GOLGA6L2: variants seen among roughly 807,000 people sequenced by gnomAD.
GOLGA6L2 encodes golgin A6 family like 2, also known as golgin subfamily A member 6-like protein 2.
Under a neutral mutation model 35.9 loss-of-function variants are expected in GOLGA6L2, and 30 were observed. The ratio of observed to expected loss-of-function variants is 0.83; its 90% confidence interval spans 0.62 to 1.13. The LOEUF (loss-of-function observed/expected upper bound fraction) is 1.13. GOLGA6L2 is among the 50% of genes most tolerant of loss of function. The pLI is 0.00. For missense variants in GOLGA6L2, 821 were observed against 973.4 expected (o/e 0.84, Z 2.08); for synonymous variants, 297 against 344.0 (o/e 0.86, Z 1.51).
Position 23,444,246 on chromosome 15 carries a change from G to C in GOLGA6L2, c.244-34C>G, listed in dbSNP as rs1187213850. ...AGAGGAAGACAGAGCTCTTACTAGG[G>C]GGAGGCAGAGATCCACAGCAAGAGA... On this transcript the variant is annotated intron_variant, in intron 3 of 7. Transcript: ENST00000567107. The C allele has an allele frequency of 2.5e-6, 4 of 1,596,484 alleles. No individual in the cohort carries two copies. The African/African-American group carries it at 5.4e-5, about 21-fold the overall frequency.
At position 23,442,331 on chromosome 15, in the gene GOLGA6L2, C is replaced by G. The variant is rs865999479; in HGVS notation, c.650+119G>C. The stretch of plus-strand genomic sequence containing the variant: ...TGGCACAGCCGGCACTAGAGCTTCC[C>G]TGTGCACACATGTAAACCTGTATGA... On this transcript the variant is annotated intron_variant, in intron 6 of 7. Transcript: ENST00000567107. 4.1e-5 allele frequency: 52 copies of G among 1,273,600 alleles called. No homozygotes were observed. The East Asian group carries it at 5.8e-4, about 14-fold the overall frequency. 78.9% of individuals were successfully genotyped at this position (1,273,600 alleles called of 1,614,324 possible).
Position 23,441,252 on chromosome 15 carries a change from T to C in GOLGA6L2, c.1223A>G (p.Glu408Gly), listed in dbSNP as rs1045761584. The C allele has an allele frequency of 6.5e-7, 1 of 1,538,766 alleles. No homozygotes were observed. Among genetic ancestry groups the C allele is most frequent in the Non-Finnish European group, 8.7e-7 (1 of 1,146,454 alleles). Residue 408 changes from glutamate to glycine, a missense_variant, in exon 8 of 8, where the codon GAG (glutamate) becomes GGG (glycine). Physicochemically the swap from Glu to Gly is moderately conservative, Grantham distance 98. Around this residue, in one of 7 missense-constraint regions of GOLGA6L2, gnomAD observed 614 missense variants for 632.3 expected, o/e 0.97. Transcript: ENST00000567107. ...CTGCTCCCGCATCCTCTCCTCCTTC[T>C]CCCGTAGCCTCTCGTCCTGCTCCCA... ...RMWEQDERLREKEERMREQEK... is the reference protein window; with the variant it reads ...RMWEQDERLRGKEERMREQEK...
At position 23,440,472 on chromosome 15, in the gene GOLGA6L2, A is replaced by ACATCTT. The variant is rs2070652947; in HGVS notation, c.1997_2002dup (p.Glu666_Asp667dup). 1 of 237,734 alleles carries ACATCTT rather than the reference A, an allele frequency of 4.2e-6. No individual in the cohort carries two copies. Among genetic ancestry groups the ACATCTT allele is most frequent in the Non-Finnish European group, 5.8e-6 (1 of 173,244 alleles). 14.7% of individuals were successfully genotyped at this position (237,734 alleles called of 1,614,324 possible). A position where few individuals can be genotyped will look rare whatever the true frequency, so the allele number is the denominator to read the frequency against. ...TCCTGCATCTTCTCTTCCTGCTCCC[A>ACATCTT]CATCTTCTCCTCCTGCTCCCGCATC... On this transcript the variant is annotated inframe_insertion, in exon 8 of 8. Transcript: ENST00000567107.
Position 23,444,477 on chromosome 15 carries a change from C to T in GOLGA6L2, c.237G>A (p.Leu79=). 1 of 1,600,212 alleles carries T rather than the reference C, an allele frequency of 6.2e-7. No homozygotes were observed. The highest frequency in any genetic ancestry group is 8.5e-7 in the Non-Finnish European group (1 of 1,179,820). ...AGCAAACAAATCACGTTACTTCTTT[C>T]AGCTGCGCTCGGTTCTGTTGTGTCT... ...PEDTQQNRAQ[L]KEEKKASHQH... Residue 79 remains leucine, a synonymous_variant, in exon 3 of 8, where the codon CTG becomes CTA. Coordinates refer to ENST00000567107, the MANE Select transcript of GOLGA6L2 (RefSeq NM_001304388.2).
At chr15:23,446,289 CA>C (rs1490253127) in intron 1 of GOLGA6L2, among the ~76,000 whole-genome samples, 2 of 152,150 alleles carry the variant, frequency 1.3e-5, no homozygotes, top group African/African-American at 4.8e-5. Flanking sequence ...ACAATGTCAA[CA>C]TTTTGAGTTC....
chr15:23,445,746 G>A lies in GOLGA6L2; in HGVS notation c.85-308C>T, dbSNP rs114469219. 7.5e-3 allele frequency among the ~76,000 whole-genome samples: 1,145 copies of A among 152,256 alleles called. 14 individuals are homozygous for A. Among genetic ancestry groups the A allele is most frequent in the African/African-American group, 0.026 (1,061 of 41,538 alleles). ...TAGACAGGAAAGTGTACACTGTTTG[G>A]TTTAGAGTCGTACATCCTCACACAT... On this transcript the variant is annotated intron_variant, in intron 1 of 7. Transcript: ENST00000567107.
In GOLGA6L2 at chr15:23,440,914, G is replaced by GTATCTTCTCCTCCTGCTCCCA. The variant is rs753232021; in HGVS notation, c.1540_1560dup (p.Trp514_Ile520dup). On this transcript the variant is annotated inframe_insertion, in exon 8 of 8. Coordinates refer to ENST00000567107, the MANE Select transcript of GOLGA6L2 (RefSeq NM_001304388.2). ...TGCCCCCACATCTCCTCCTGGTCCC[G>GTATCTTCTCCTCCTGCTCCCA]TATCTTCTCCTCCTGCTCCCATATC... is the stretch of plus-strand genomic sequence containing the variant. The GTATCTTCTCCTCCTGCTCCCA allele has an allele frequency of 3.7e-6, 5 of 1,347,806 alleles. No individual in the cohort carries two copies. The highest frequency in any genetic ancestry group is 2.8e-5 in the South Asian group (2 of 72,344). The allele number at this position is 1,347,806 out of a possible 1,614,324, so 83.5% of individuals were successfully genotyped here.
Position 23,447,185 on chromosome 15 carries a change from C to T in GOLGA6L2, c.-4G>A, listed in dbSNP as rs899639152. The T allele has an allele frequency of 7.1e-6, 11 of 1,547,878 alleles. No individual in the cohort carries two copies. The highest frequency in any genetic ancestry group is 1.1e-5 in the South Asian group (1 of 89,264). On this transcript the variant is annotated 5_prime_UTR_variant, in exon 1 of 8. Transcript: ENST00000567107. Reference sequence around the variant, plus strand: ...GGAGGTGGGGTTGGGGCCACATCAGCGTGATTCAGACGAGGACAAGGATAC... The same window carrying T: ...GGAGGTGGGGTTGGGGCCACATCAGTGTGATTCAGACGAGGACAAGGATAC...
At chr15:23,444,590 G>T in intron 2 of GOLGA6L2, 90 bp from the exon 3 acceptor site, 1 of 1,165,398 alleles carries the variant, frequency 8.6e-7, no homozygotes, top group South Asian at 1.2e-5. Flanking sequence ...GTCAGGAATG[G>T]ATTTTAAAGG....
Position 23,442,304 on chromosome 15 carries a change from A to C in GOLGA6L2, c.650+146T>G, listed in dbSNP as rs184344287. ...GTTGCCTGAGGCTACCCCATGAGTC[A>C]GTGGCACAGCCGGCACTAGAGCTTC... On this transcript the variant is annotated intron_variant, in intron 6 of 7. Transcript: ENST00000567107. 5.0e-3 allele frequency: 5,746 copies of C among 1,149,116 alleles called. 189 individuals carry two copies. In the African/African-American group the frequency reaches 0.077, roughly 15 times the overall value. The allele number at this position is 1,149,116 out of a possible 1,614,324, so 71.2% of individuals were successfully genotyped here.
At chr15:23,441,809 C>A in intron 7 of GOLGA6L2, 127 bp from the exon 8 acceptor site, 7 of 1,357,528 alleles carry the variant, frequency 5.2e-6, no homozygotes, top group African/African-American at 1.5e-5. Context: ...CCAGGCAGGG[C>A]CCCAAATTTG....
chr15:23,447,192 C>T lies in GOLGA6L2; in HGVS notation c.-11G>A. 5 of 1,499,858 alleles carry T rather than the reference C, an allele frequency of 3.3e-6. No homozygotes were observed. Among genetic ancestry groups the T allele is most frequent in the Non-Finnish European group, 4.6e-6 (5 of 1,079,294 alleles). 92.9% of individuals were successfully genotyped at this position (1,499,858 alleles called of 1,614,324 possible). The stretch of plus-strand genomic sequence containing the variant: ...GGGTTGGGGCCACATCAGCGTGATT[C>T]AGACGAGGACAAGGATACACCTCCA... On this transcript the variant is annotated 5_prime_UTR_variant, in exon 1 of 8. Transcript: ENST00000567107.
chr15:23,442,644 T>C, intron 5 of GOLGA6L2, 136 bp from the exon 6 acceptor site: 1 of 803,372 alleles, frequency 1.2e-6, no homozygotes, highest in Non-Finnish European at 2.0e-6. Context: ...TCAAGGCAAT[T>C]CCAAGCCCAT....
At position 23,443,941 on chromosome 15, in the gene GOLGA6L2, G is replaced by A. The variant is rs757798038; in HGVS notation, c.427C>T (p.Leu143Phe). The change falls in exon 5 of 8, where the codon CTT (leucine) becomes TTT (phenylalanine). Residue 143 changes from leucine to phenylalanine, a missense_variant. This residue lies in a region of GOLGA6L2 where 614 missense variants were observed against 632.3 expected (regional missense o/e 0.97). Transcript: ENST00000567107. ...LGTPSSFNLALSQAFRGSPLG... is the reference protein window; with the variant it reads ...LGTPSSFNLAFSQAFRGSPLG... Reference sequence around the variant, plus strand: ...GGACTCCCCCTAAAGGCCTGTGAAAGTGCCAGGTTGAAGGATGATGGGGTG... The same window carrying A: ...GGACTCCCCCTAAAGGCCTGTGAAAATGCCAGGTTGAAGGATGATGGGGTG... 2 of 1,558,342 alleles carry A rather than the reference G, an allele frequency of 1.3e-6. No individual in the cohort carries two copies. The highest frequency in any genetic ancestry group is 1.2e-5 in the South Asian group (1 of 85,728).
Position 23,444,173 on chromosome 15 carries a change from G to T in GOLGA6L2, c.283C>A (p.Arg95=), listed in dbSNP as rs767903099. Residue 95 remains arginine, a synonymous_variant, in exon 4 of 8, where the codon CGG becomes AGG. Coordinates refer to ENST00000567107, the MANE Select transcript of GOLGA6L2 (RefSeq NM_001304388.2). ...CACCCTCCACTCACCTCTATCTCCCGCCTTAGGGCTTCCTGATGTTGGTGG... is the reference window on the plus strand; with the variant it reads ...CACCCTCCACTCACCTCTATCTCCCTCCTTAGGGCTTCCTGATGTTGGTGG... ...ASHQHQEALR[R]EIEAQDHTIR... is the part of the protein sequence containing the mutation. 48 of 1,604,230 alleles carry T rather than the reference G, an allele frequency of 3.0e-5. No homozygotes were observed. Among genetic ancestry groups the T allele is most frequent in the East Asian group, 4.5e-5 (2 of 44,862 alleles).
chr15:23,443,843 C>A lies in GOLGA6L2; in HGVS notation c.525G>T (p.Trp175Cys), dbSNP rs868307581. ...KDLAGRLHHS[W>C]HFAGELQRAL... ...CCCGCTGTAACTCTCCTGCAAAGTG[C>A]CAGGAATGATGCAAGCGGCCGGCGA... The change falls in exon 5 of 8, where the codon TGG becomes TGT. Residue 175 changes from tryptophan (W) to cysteine (C), a missense_variant. Coordinates refer to ENST00000567107, the MANE Select transcript of GOLGA6L2 (RefSeq NM_001304388.2). The A allele has an allele frequency of 6.5e-7, 1 of 1,540,652 alleles. No homozygotes were observed. Among genetic ancestry groups the A allele is most frequent in the Non-Finnish European group, 8.7e-7 (1 of 1,149,476 alleles).
intron 1 of GOLGA6L2, among the ~76,000 whole-genome samples, chr15:23,446,257 G>C (rs17118818): frequency 6.6e-6 from 1 of 152,050 alleles, no homozygotes; most frequent in Non-Finnish European, 1.5e-5. Context: ...AACCAAACCC[G>C]TTCTCCCATT....
chr15:23,443,400 ACG>A (rs1037030877), intron 5 of GOLGA6L2, among the ~76,000 whole-genome samples: 28 of 126,476 alleles, frequency 2.2e-4, no homozygotes, highest in Admixed American at 1.5e-3. Flanking sequence ...ACACACACAC[ACG>A]CACATGCACA....
chr15:23,444,309 G>C (rs540791442), intron 3 of GOLGA6L2, 97 bp from the exon 4 acceptor site: 115 of 1,486,122 alleles, frequency 7.7e-5, no homozygotes, highest in East Asian at 5.1e-4. Flanking sequence ...CAGGACAGGC[G>C]CACCCATGGG....
Sources: allele counts gnomAD v4.1 joint callset (sites outside exome capture counted in the v4.1 genomes callset), GRCh38; gene constraint gnomAD v4.1.1; regional missense constraint gnomAD v4.1.1; transcripts MANE v1.5; gene names NCBI Gene and HGNC (gene_info 2026-07-23, HGNC 2026-07-21).